PCDHA10: variants seen among roughly 807,000 people sequenced by gnomAD.
The protein encoded by PCDHA10 is protocadherin alpha 10.
In PCDHA10, 45 loss-of-function variants were observed where a neutral mutation model predicts 61.2. The ratio of observed to expected loss-of-function variants is 0.74; its 90% CI spans 0.58 to 0.94. The LOEUF (loss-of-function observed/expected upper bound fraction) is 0.94. Among genes scored for constraint, PCDHA10 ranks in the 40% least tolerant of loss-of-function variants. PCDHA10 has a pLI of 0.00. For missense variants in PCDHA10, 1,278 were observed against 1,236.2 expected (o/e 1.03, Z -0.51); for synonymous variants, 602 against 548.8 (o/e 1.10, Z -1.35).
chr5:140,954,638 T>C (rs1297767818), intron 1 of PCDHA10, among the ~76,000 whole-genome samples: 2 of 152,212 alleles, frequency 1.3e-5, no homozygotes, highest in Non-Finnish European at 2.9e-5. Flanking sequence ...TTCTTGTAAA[T>C]TTGTTTAAGT....
At chr5:140,915,028 T>C (rs1583932096) in intron 1 of PCDHA10, among the ~76,000 whole-genome samples, 1 of 150,922 alleles carries the variant, frequency 6.6e-6, no homozygotes, top group Non-Finnish European at 1.5e-5. Context: ...TCACTGCAAC[T>C]TCTGCCTCCT....
chr5:140,876,637 C>T, intron 1 of PCDHA10: 1 of 1,614,206 alleles, frequency 6.2e-7, no homozygotes, highest in Non-Finnish European at 8.5e-7. Context: ...CATCTGCTCA[C>T]TGACACCTCA....
At position 140,856,753 on chromosome 5, in the gene PCDHA10, T is replaced by C. The variant is rs373420913; in HGVS notation, c.705T>C (p.Asn235=). 311 of 1,596,470 alleles carry C rather than the reference T, an allele frequency of 1.9e-4. 24 individuals are homozygous for C. Among genetic ancestry groups the C allele is most frequent in the Non-Finnish European group, 2.6e-4 (309 of 1,166,472 alleles). The change falls in exon 1 of 4, where the codon AAT becomes AAC. Residue 235 remains asparagine (N), a synonymous_variant. Coordinates refer to ENST00000307360, the MANE Select transcript of PCDHA10 (RefSeq NM_018901.4). ...TGCTGATCCTGGTGTTAGATGCCAA[T>C]GATAACGCCCCTATCTTTGACAGAC... ...VSLLILVLDA[N]DNAPIFDRPV...
chr5:140,946,353 A>C (rs2093933429), intron 1 of PCDHA10, among the ~76,000 whole-genome samples: 1 of 151,910 alleles, frequency 6.6e-6, no homozygotes, highest in Admixed American at 6.6e-5. Context: ...GAGGATGTGG[A>C]GAAAAGGGAA....
intron 1 of PCDHA10, among the ~76,000 whole-genome samples, chr5:140,937,239 G>C (rs1331547271): frequency 2.0e-5 from 3 of 151,804 alleles, no homozygotes; most frequent in African/African-American, 7.3e-5. Context: ...GGGTTTCACC[G>C]TGTTAGCCAG....
chr5:140,974,945 A>G (rs2096646889), intron 1 of PCDHA10, among the ~76,000 whole-genome samples: 1 of 152,180 alleles, frequency 6.6e-6, no homozygotes, highest in African/African-American at 2.4e-5. Flanking sequence ...CCTATTTGTT[A>G]TCTCACAGTC....
intron 3 of PCDHA10, among the ~76,000 whole-genome samples, chr5:141,000,558 G>C (rs1462892656): frequency 6.7e-6 from 1 of 149,136 alleles, no homozygotes; most frequent in African/African-American, 2.5e-5. Context: ...CTCCCGAGTA[G>C]CTGGGATTAC....
At chr5:140,887,679 C>G (rs2061539498) in intron 1 of PCDHA10, among the ~76,000 whole-genome samples, 1 of 152,058 alleles carries the variant, frequency 6.6e-6, no homozygotes, top group East Asian at 1.9e-4. Flanking sequence ...TCATTTTCAT[C>G]AAATTCAGGA....
At chr5:140,872,049 T>A (rs2053460307) in intron 1 of PCDHA10, among the ~76,000 whole-genome samples, 1 of 152,248 alleles carries the variant, frequency 6.6e-6, no homozygotes, top group African/African-American at 2.4e-5. Context: ...ATTCTCCCAC[T>A]TCAGCCTCCA....
chr5:140,957,555 A>G (rs911734380), intron 1 of PCDHA10, among the ~76,000 whole-genome samples: 4 of 152,120 alleles, frequency 2.6e-5, no homozygotes, highest in Admixed American at 2.6e-4. Flanking sequence ...TTCTCTGTGG[A>G]AAAGGAGGGA....
At position 140,877,018 on chromosome 5, in the gene PCDHA10, A is replaced by C; in HGVS notation, c.2388+18582A>C. On this transcript the variant is annotated intron_variant, in intron 1 of 3. Transcript: ENST00000307360. ...CGTGTCGGTGCACGCGGAGAGCGGC[A>C]AGGTGTACGCGCTGCAGCCGCTAGA... 1 of 1,612,420 alleles carries C rather than the reference A, an allele frequency of 6.2e-7. No homozygotes were observed. Among genetic ancestry groups the C allele is most frequent in the Non-Finnish European group, 8.5e-7 (1 of 1,179,802 alleles).
At chr5:140,973,870 T>A (rs2153801427) in intron 1 of PCDHA10, among the ~76,000 whole-genome samples, 1 of 152,264 alleles carries the variant, frequency 6.6e-6, no homozygotes. Flanking sequence ...CAATGAGAGG[T>A]CAGAATAATG....
chr5:140,863,164 G>A, intron 1 of PCDHA10: 2 of 661,250 alleles, frequency 3.0e-6, no homozygotes, highest in Non-Finnish European at 5.5e-6. Flanking sequence ...CTGCGAGCTG[G>A]CGCTGACTGC....
intron 1 of PCDHA10, chr5:140,967,421 C>T (rs2096138629): frequency 6.2e-7 from 1 of 1,613,120 alleles, no homozygotes; most frequent in Non-Finnish European, 8.5e-7. Context: ...AGACCGGGAG[C>T]AGGCAGCCTT....
chr5:140,861,421 T>C, intron 1 of PCDHA10: 2 of 481,940 alleles, frequency 4.1e-6, no homozygotes, highest in South Asian at 3.2e-5. Context: ...CCGCGCCTGT[T>C]TCAGTTGGAT....
At chr5:140,870,643 G>T (rs782549928) in intron 1 of PCDHA10, 6 of 1,612,796 alleles carry the variant, frequency 3.7e-6, no homozygotes, top group Non-Finnish European at 5.1e-6. Flanking sequence ...CGCGGAGAGC[G>T]GCAAGGTGTA....
rs1316774875 is a variant in PCDHA10 at position 140,883,076 on chromosome 5, G to T, written c.2388+24640G>T. The T allele has an allele frequency of 3.1e-6, 5 of 1,614,032 alleles. No homozygotes were observed. Among genetic ancestry groups the T allele is most frequent in the Middle Eastern group, 1.6e-4 (1 of 6,084 alleles). On this transcript the variant is annotated intron_variant, in intron 1 of 3. Transcript: ENST00000307360. ...GATCAAGCTAAATGCCACAGATCCT[G>T]ATGATGGTACAAATGGAGATATAGT...
chr5:140,946,527 G>A (rs1414920308), intron 1 of PCDHA10, among the ~76,000 whole-genome samples: 1 of 150,718 alleles, frequency 6.6e-6, no homozygotes, highest in Non-Finnish European at 1.5e-5. Flanking sequence ...GCACTCCCAT[G>A]TTCATTGCAG....
At chr5:140,985,459 C>A (rs1587084925) in intron 3 of PCDHA10, among the ~76,000 whole-genome samples, 1 of 152,236 alleles carries the variant, frequency 6.6e-6, no homozygotes, top group East Asian at 1.9e-4. Flanking sequence ...GGGAAATGCT[C>A]CAAAAAATTT....
Sources: gnomAD v4.1 joint callset for allele counts (sites outside exome capture counted in the v4.1 genomes callset) on GRCh38, gnomAD v4.1.1 for gene constraint, MANE v1.5 for transcripts, NCBI Gene and HGNC (gene_info 2026-07-23, HGNC 2026-07-21) for gene names.